Variants in SLC13A1 observed in about 807,000 individuals in gnomAD.
The protein encoded by SLC13A1 is solute carrier family 13 member 1.
In SLC13A1, 65 loss-of-function variants were observed where a neutral mutation model predicts 70.0. The observed-to-expected ratio is 0.93, with a 90% CI of 0.76 to 1.14. The LOEUF is 1.14. Among genes scored for constraint, SLC13A1 ranks in the 50% most tolerant of loss-of-function variants. SLC13A1 has a pLI of 0.00. For missense variants in SLC13A1, 726 were observed against 717.8 expected (o/e 1.01, Z -0.13); for synonymous variants, 275 against 250.5 (o/e 1.10, Z -0.92).
At chr7:123,167,412 T>G (rs1226151602) in intron 6 of SLC13A1, among the ~76,000 whole-genome samples, 1 of 152,220 alleles carries the variant, frequency 6.6e-6, no homozygotes, top group African/African-American at 2.4e-5. Flanking sequence ...ATTCATTTTC[T>G]CTTTACATAG....
At chr7:123,127,026 G>T (rs1793584671) in intron 10 of SLC13A1, among the ~76,000 whole-genome samples, 1 of 151,872 alleles carries the variant, frequency 6.6e-6, no homozygotes, top group African/African-American at 2.4e-5. Context: ...TTAAATCAAG[G>T]CATAAATACT....
intron 1 of SLC13A1, among the ~76,000 whole-genome samples, chr7:123,182,393 C>T (rs1487650261): frequency 6.6e-6 from 1 of 152,088 alleles, no homozygotes; most frequent in Non-Finnish European, 1.5e-5. Context: ...CACTTTTAAT[C>T]TTGCTCTCTA....
At chr7:123,127,663 A>G (rs1793605095) in intron 10 of SLC13A1, among the ~76,000 whole-genome samples, 1 of 151,944 alleles carries the variant, frequency 6.6e-6, no homozygotes, top group Admixed American at 6.6e-5. Flanking sequence ...AAAACACACC[A>G]CCATATTGAC....
chr7:123,122,208 A>G (rs1053674150), intron 12 of SLC13A1, among the ~76,000 whole-genome samples: 1 of 152,148 alleles, frequency 6.6e-6, no homozygotes, highest in African/African-American at 2.4e-5. Context: ...GTATCTTCCA[A>G]TAAGTTATCA....
intron 6 of SLC13A1, among the ~76,000 whole-genome samples, chr7:123,165,570 C>T (rs1301764838): frequency 6.6e-6 from 1 of 152,116 alleles, no homozygotes; most frequent in Non-Finnish European, 1.5e-5. Flanking sequence ...AATCAAAAAG[C>T]TCACCACTGA....
intron 1 of SLC13A1, among the ~76,000 whole-genome samples, chr7:123,187,227 G>A (rs1455258565): frequency 6.6e-6 from 1 of 152,046 alleles, no homozygotes; most frequent in Non-Finnish European, 1.5e-5. Flanking sequence ...TGGCAGCTCC[G>A]TCTTTCCTAT....
intron 10 of SLC13A1, among the ~76,000 whole-genome samples, chr7:123,127,369 T>C (rs1217911513): frequency 1.3e-5 from 2 of 152,084 alleles, no homozygotes; most frequent in Non-Finnish European, 2.9e-5. Flanking sequence ...GAATTACCTA[T>C]TGGGATTTCT....
intron 6 of SLC13A1, among the ~76,000 whole-genome samples, chr7:123,163,650 C>T (rs1186270499): frequency 6.6e-6 from 1 of 151,914 alleles, no homozygotes; most frequent in East Asian, 1.9e-4. Context: ...ATTTTTTTGT[C>T]TTTCTACCCA....
At position 123,117,664 on chromosome 7, in the gene SLC13A1, A is replaced by G. The variant is rs1478117551; in HGVS notation, c.1513-56T>C. 7.5e-6 allele frequency: 9 copies of G among 1,201,892 alleles called. No homozygotes were observed. In the East Asian group the frequency reaches 2.2e-4, roughly 29 times the overall value. 74.5% of individuals were successfully genotyped at this position (1,201,892 alleles called of 1,614,324 possible). A position where few individuals can be genotyped will look rare whatever the true frequency, so the allele number is the denominator to read the frequency against. ...AAAATTTTGAGGGTAGACACGAAAC[A>G]TAAAAAAAAAAAAAGTATTACAATA... is the stretch of plus-strand genomic sequence containing the variant. On this transcript the variant is annotated intron_variant, in intron 13 of 14. Coordinates refer to ENST00000194130, the MANE Select transcript of SLC13A1 (RefSeq NM_022444.4).
At position 123,149,433 on chromosome 7, in the gene SLC13A1, G is replaced by A. The variant is rs566774805; in HGVS notation, c.661-2123C>T. 8.0e-4 allele frequency: 364 copies of A among 455,860 alleles called. 3 individuals carry two copies. Among genetic ancestry groups the A allele is most frequent in the African/African-American group, 6.2e-3 (309 of 50,126 alleles). The allele number at this position is 455,860 out of a possible 1,614,324, so 28.2% of individuals were successfully genotyped here. On this transcript the variant is annotated intron_variant, in intron 6 of 14. Transcript: ENST00000194130. The stretch of plus-strand genomic sequence containing the variant: ...GTTCTCCAAGTAGTAGTTTCTTAAC[G>A]TCTATCTCACCTTGTTAAGTAGGAG...
chr7:123,128,082 A>C (rs1793626096), intron 10 of SLC13A1, among the ~76,000 whole-genome samples: 1 of 152,022 alleles, frequency 6.6e-6, no homozygotes. Context: ...ACACTGAGAT[A>C]TAAAATTAAC....
chr7:123,149,829 G>A (rs1039851061), intron 6 of SLC13A1, among the ~76,000 whole-genome samples: 1 of 152,000 alleles, frequency 6.6e-6, no homozygotes, highest in African/African-American at 2.4e-5. Flanking sequence ...ATGTAGTTAT[G>A]CCCAGTTATG....
At chr7:123,154,430 T>G (rs989923261) in intron 6 of SLC13A1, among the ~76,000 whole-genome samples, 7 of 152,142 alleles carry the variant, frequency 4.6e-5, no homozygotes, top group African/African-American at 9.6e-5. Context: ...CAGGTCCAGA[T>G]GTAACTCACT....
chr7:123,115,683 G>T (rs1793157342), intron 14 of SLC13A1, 28 bp from the exon 15 acceptor site: 1 of 1,611,324 alleles, frequency 6.2e-7, no homozygotes, highest in Non-Finnish European at 8.5e-7. Flanking sequence ...ATAAATGTCA[G>T]TGTCCCAGAA....
intron 6 of SLC13A1, among the ~76,000 whole-genome samples, chr7:123,166,376 G>T (rs1051564273): frequency 7.2e-6 from 1 of 138,880 alleles, no homozygotes; most frequent in Non-Finnish European, 1.6e-5. Flanking sequence ...TTTCATAACA[G>T]CTTTTAAAGC....
rs560926764 is a variant in SLC13A1 at position 123,123,604 on chromosome 7, C to A, written c.1241-369G>T. 5.4e-4 allele frequency among the ~76,000 whole-genome samples: 82 copies of A among 152,260 alleles called. 2 individuals are homozygous for A. In the South Asian group the frequency reaches 0.017, roughly 31 times the overall value. ...TTAGACTATAATATTCTTTGCTATG[C>A]AAAATGTCCATAATATTCCATTGGT... On this transcript the variant is annotated intron_variant, in intron 11 of 14. Transcript: ENST00000194130.
intron 1 of SLC13A1, among the ~76,000 whole-genome samples, chr7:123,183,064 A>G (rs763351064): frequency 3.9e-5 from 6 of 152,160 alleles, no homozygotes; most frequent in Non-Finnish European, 7.4e-5. Flanking sequence ...TCTGAACTCT[A>G]ATTCATAGTA....
intron 6 of SLC13A1, among the ~76,000 whole-genome samples, chr7:123,153,539 A>G (rs1299128673): frequency 3.3e-5 from 5 of 152,124 alleles, no homozygotes. Context: ...ACTGAAGTAA[A>G]GGGTAAAGCA....
intron 1 of SLC13A1, among the ~76,000 whole-genome samples, chr7:123,194,349 A>C (rs1381022747): frequency 6.6e-6 from 1 of 152,120 alleles, no homozygotes; most frequent in Non-Finnish European, 1.5e-5. Context: ...GAAACTGCAA[A>C]TAGTGAAGTA....
Sources: allele counts gnomAD v4.1 joint callset (sites outside exome capture counted in the v4.1 genomes callset), GRCh38; gene constraint gnomAD v4.1.1; transcripts MANE v1.5; gene names NCBI Gene and HGNC (gene_info 2026-07-23, HGNC 2026-07-21).